RALYL: variants seen among roughly 807,000 people sequenced by gnomAD.
The protein encoded by RALYL is RALY RNA binding protein like, also known as RNA-binding Raly-like protein.
A neutral mutation model predicts 35.1 loss-of-function variants in RALYL; 29 were observed. That is an observed-to-expected ratio of 0.83 (90% CI 0.61 to 1.13). The LOEUF (loss-of-function observed/expected upper bound fraction) is 1.13, where lower values mean the gene tolerates loss of function less well. Among genes scored for constraint, RALYL ranks in the 50% most tolerant of loss-of-function variants. The pLI is 0.00. For synonymous variants in RALYL, 120 were observed against 127.6 expected (o/e 0.94, Z 0.40); for missense variants, 359 against 360.4 (o/e 1.00, Z 0.03).
At chr8:84,506,432 T>C (rs1401022085) in intron 1 of RALYL, among the ~76,000 whole-genome samples, 1 of 152,010 alleles carries the variant, frequency 6.6e-6, no homozygotes, top group Non-Finnish European at 1.5e-5. Flanking sequence ...CTAAATTTGC[T>C]TTCTGTAATA....
intron 1 of RALYL, among the ~76,000 whole-genome samples, chr8:84,395,023 C>T (rs1249214028): frequency 1.3e-5 from 2 of 151,588 alleles, no homozygotes; most frequent in African/African-American, 4.8e-5. Context: ...TATACATGTT[C>T]CTGGTAAAAC....
At chr8:84,899,874 CAAAAG>C (rs781030543) in intron 8 of RALYL, among the ~76,000 whole-genome samples, 1 of 152,028 alleles carries the variant, frequency 6.6e-6, no homozygotes, top group Non-Finnish European at 1.5e-5. Context: ...TTTTTAAAGC[CAAAAG>C]AAAAGAGTCA....
At chr8:84,446,270 CATA>C (rs2048843235) in intron 1 of RALYL, among the ~76,000 whole-genome samples, 1 of 151,316 alleles carries the variant, frequency 6.6e-6, no homozygotes, top group South Asian at 2.1e-4. Flanking sequence ...TGGGAATACC[CATA>C]ATGAGATCAA....
At chr8:84,807,765 A>C (rs1824993553) in intron 4 of RALYL, among the ~76,000 whole-genome samples, 1 of 152,178 alleles carries the variant, frequency 6.6e-6, no homozygotes, top group African/African-American at 2.4e-5. Context: ...CCTGATCATT[A>C]GTGATGTTAA....
At chr8:84,450,434 A>G (rs1298372665) in intron 1 of RALYL, among the ~76,000 whole-genome samples, 2 of 151,944 alleles carry the variant, frequency 1.3e-5, no homozygotes, top group Admixed American at 6.6e-5. Context: ...GAAGCTAAAT[A>G]CAGTATGACA....
chr8:84,837,846 T>G (rs911940862), intron 4 of RALYL, among the ~76,000 whole-genome samples: 3 of 152,192 alleles, frequency 2.0e-5, no homozygotes, highest in East Asian at 3.8e-4. Context: ...AAAACCATCA[T>G]TTCATTTTTC....
chr8:84,427,552 A>G (rs1647197515), intron 1 of RALYL, among the ~76,000 whole-genome samples: 1 of 152,122 alleles, frequency 6.6e-6, no homozygotes, highest in Non-Finnish European at 1.5e-5. Context: ...TTAAAAAAAA[A>G]CCTTTCAAGA....
intron 1 of RALYL, among the ~76,000 whole-genome samples, chr8:84,470,715 C>T (rs950170931): frequency 6.6e-6 from 1 of 152,138 alleles, no homozygotes; most frequent in Non-Finnish European, 1.5e-5. Flanking sequence ...AGTGTGTCAG[C>T]AGAATACCAG....
chr8:84,535,341 A>G (rs993401718), intron 2 of RALYL, among the ~76,000 whole-genome samples: 6 of 152,042 alleles, frequency 3.9e-5, no homozygotes, highest in African/African-American at 1.2e-4. Context: ...TGTCATCCAA[A>G]CAGTAATACT....
At chr8:84,323,106 C>T (rs1174894309) in intron 1 of RALYL, among the ~76,000 whole-genome samples, 2 of 151,922 alleles carry the variant, frequency 1.3e-5, no homozygotes, top group Non-Finnish European at 2.9e-5. Context: ...ATTCATGCTT[C>T]ATAAGGGCAA....
At chr8:84,264,271 C>T (rs1469288932) in intron 1 of RALYL, among the ~76,000 whole-genome samples, 4 of 152,124 alleles carry the variant, frequency 2.6e-5, no homozygotes, top group Non-Finnish European at 5.9e-5. Context: ...ACCTCACCAG[C>T]ATCTGTTGTT....
chr8:84,441,960 A>G (rs147617388), intron 1 of RALYL, among the ~76,000 whole-genome samples: 3 of 152,218 alleles, frequency 2.0e-5, no homozygotes, highest in African/African-American at 7.2e-5. Flanking sequence ...AGGTATATTT[A>G]TTCCCTTGTT....
chr8:84,840,373 T>A (rs2134564929), intron 4 of RALYL, among the ~76,000 whole-genome samples: 1 of 152,206 alleles, frequency 6.6e-6, no homozygotes, highest in South Asian at 2.1e-4. Flanking sequence ...GTATCAGTGA[T>A]GGAAGATCAA....
chr8:84,741,725 A>G (rs2133061782), intron 2 of RALYL, among the ~76,000 whole-genome samples: 1 of 152,192 alleles, frequency 6.6e-6, no homozygotes, highest in Middle Eastern at 3.4e-3. Flanking sequence ...GGATATATTT[A>G]TAATTTACAG....
chr8:84,644,177 T>C (rs559864652), intron 2 of RALYL, among the ~76,000 whole-genome samples: 7 of 152,102 alleles, frequency 4.6e-5, no homozygotes, highest in Admixed American at 1.3e-4. Flanking sequence ...GTTTCCACAA[T>C]ATGCTTAAGG....
chr8:84,536,261 G>C (rs1159612219), intron 2 of RALYL, among the ~76,000 whole-genome samples: 6 of 152,180 alleles, frequency 3.9e-5, no homozygotes, highest in Middle Eastern at 3.2e-3. Flanking sequence ...TCATGGAAGA[G>C]TTAAGTGAAA....
intron 1 of RALYL, among the ~76,000 whole-genome samples, chr8:84,209,766 A>T (rs1819000753): frequency 6.6e-6 from 1 of 152,190 alleles, no homozygotes; most frequent in Admixed American, 6.5e-5. Flanking sequence ...GAAAAACATG[A>T]CAAAGTAGAT....
chr8:84,610,412 G>A (rs145105332), intron 2 of RALYL, among the ~76,000 whole-genome samples: 18 of 152,048 alleles, frequency 1.2e-4, no homozygotes, highest in African/African-American at 3.1e-4. Context: ...GGAACATCAC[G>A]GAGGTAAGGC....
In RALYL at chr8:84,371,596, G is replaced by A. The variant is rs79232825; in HGVS notation, c.-23-157703G>A. Among the ~76,000 whole-genome samples, 317 of 151,114 alleles carry A rather than the reference G, an allele frequency of 2.1e-3. 4 individuals carry two copies. The East Asian group carries it at 0.053, about 25-fold the overall frequency. On this transcript the variant is annotated intron_variant, in intron 1 of 8. Coordinates refer to ENST00000521268, the MANE Select transcript of RALYL (RefSeq NM_173848.7). ...ACAGAAAGAGAGAGAGAGAGAAGGG[G>A]GCAGGAAAATTTTACGTATTACTTA...
Sources: allele counts gnomAD v4.1 joint callset (sites outside exome capture counted in the v4.1 genomes callset), GRCh38; gene constraint gnomAD v4.1.1; transcripts MANE v1.5; gene names NCBI Gene and HGNC (gene_info 2026-07-23, HGNC 2026-07-21).